The following CNTN4 variants were observed in gnomAD, a reference collection of about 807,000 sequenced individuals.
CNTN4 encodes the protein contactin 4, also known as contactin-4.
CNTN4 carries 77 observed loss-of-function variants against 122.5 expected under a neutral mutation model. That is an observed-to-expected ratio of 0.63 (90% CI 0.52 to 0.76). CNTN4 has a LOEUF of 0.76. CNTN4 is among the 30% of genes least tolerant of loss of function. The pLI, the probability that CNTN4 is intolerant of heterozygous loss-of-function variation, is 0.00. For missense variants in CNTN4, 1,256 were observed against 1,259.1 expected (o/e 1.00, Z 0.04); for synonymous variants, 512 against 447.0 (o/e 1.15, Z -1.83).
At chr3:2,400,047 G>A (rs948915785) in intron 3 of CNTN4, among the ~76,000 whole-genome samples, 1 of 151,898 alleles carries the variant, frequency 6.6e-6, no homozygotes, top group African/African-American at 2.4e-5. Flanking sequence ...CTAATTACGG[G>A]CTTGGGTTTT....
At position 2,841,082 on chromosome 3, in the gene CNTN4, C is replaced by T. The variant is rs944066575; in HGVS notation, c.454+21501C>T. ...AAAGTCAAGGATCTTCAAAATCATA[C>T]ATGACTGATACCAATCTCATCATTG... On this transcript the variant is annotated intron_variant, in intron 7 of 24. Transcript: ENST00000418658. This position sits in a 1 kb window ranked among gnomAD's most constrained non-coding sequence, Gnocchi z 4.8. Among the ~76,000 whole-genome samples the T allele has an allele frequency of 6.6e-6, 1 of 152,138 alleles. No homozygotes were observed.
intron 4 of CNTN4, among the ~76,000 whole-genome samples, chr3:2,685,582 A>G (rs2085390669): frequency 6.6e-6 from 1 of 152,202 alleles, no homozygotes; most frequent in South Asian, 2.1e-4. Context: ...TGTGAAGATT[A>G]AAAACCCAAG....
At chr3:2,249,575 G>A (rs562777932) in intron 2 of CNTN4, among the ~76,000 whole-genome samples, 8 of 152,008 alleles carry the variant, frequency 5.3e-5, no homozygotes, top group African/African-American at 1.4e-4. Context: ...GTCATTTGTT[G>A]AGGTTTACAG....
Position 2,135,511 on chromosome 3 carries a change from G to A in CNTN4, c.-145+34872G>A, listed in dbSNP as rs75165225. ...CCAGAGAGAATTTGATGGTAAATTT[G>A]TAGTACAGAACTTTAGACTTGTTTT... On this transcript the variant is annotated intron_variant, in intron 2 of 24. Transcript: ENST00000418658. Among the ~76,000 whole-genome samples the A allele has an allele frequency of 6.2e-3, 947 of 152,298 alleles. 7 individuals are homozygous for A. The highest frequency in any genetic ancestry group is 0.017 in the Middle Eastern group (5 of 294).
intron 3 of CNTN4, among the ~76,000 whole-genome samples, chr3:2,561,601 C>CA (rs1175510511): frequency 6.6e-6 from 1 of 152,084 alleles, no homozygotes; most frequent in Non-Finnish European, 1.5e-5. Flanking sequence ...TTTGCCGACT[C>CA]AAACTTTTTC....
intron 3 of CNTN4, among the ~76,000 whole-genome samples, chr3:2,457,292 A>G (rs2049039440): frequency 1.3e-5 from 2 of 152,270 alleles, no homozygotes; most frequent in South Asian, 4.1e-4. Context: ...GCCATTGTTG[A>G]TATTTTGATA....
intron 2 of CNTN4, among the ~76,000 whole-genome samples, chr3:2,180,073 A>G (rs985619035): frequency 1.4e-4 from 21 of 151,952 alleles, no homozygotes; most frequent in African/African-American, 4.8e-4. Context: ...GATGGTGCAT[A>G]TATGTTGATT....
chr3:3,011,788 T>C (rs1697259001), intron 14 of CNTN4, among the ~76,000 whole-genome samples: 1 of 152,032 alleles, frequency 6.6e-6, no homozygotes, highest in African/African-American at 2.4e-5. Context: ...TAAATTTTCC[T>C]CTCCCCGCCC....
intron 2 of CNTN4, among the ~76,000 whole-genome samples, chr3:2,300,401 C>A (rs961831789): frequency 4.6e-5 from 7 of 151,998 alleles, no homozygotes; most frequent in Non-Finnish European, 7.4e-5. Flanking sequence ...CATGTTTTAT[C>A]TTAAGCAATA....
chr3:2,934,296 A>G (rs1010117874), intron 13 of CNTN4, among the ~76,000 whole-genome samples: 5 of 152,224 alleles, frequency 3.3e-5, no homozygotes, highest in African/African-American at 1.2e-4. Flanking sequence ...AAAATATCCA[A>G]CTGAAATAAG....
At chr3:2,708,727 T>TCACACACACACA (rs10530575) in intron 4 of CNTN4, among the ~76,000 whole-genome samples, 36 of 151,006 alleles carry the variant, frequency 2.4e-4, no homozygotes, top group African/African-American at 6.6e-4. Context: ...CACGCGCGCA[T>TCACACACACACA]CACACACACA....
chr3:2,401,747 AT>A (rs2046867060), intron 3 of CNTN4, among the ~76,000 whole-genome samples: 1 of 152,122 alleles, frequency 6.6e-6, no homozygotes, highest in African/African-American at 2.4e-5. Context: ...CTAATAATAG[AT>A]TGCTCTTCAG....
intron 2 of CNTN4, among the ~76,000 whole-genome samples, chr3:2,137,352 G>A (rs1427526835): frequency 6.6e-6 from 1 of 152,126 alleles, no homozygotes; most frequent in African/African-American, 2.4e-5. Context: ...TCAGCAATGG[G>A]CACTGCCTTG....
At chr3:2,239,988 A>G (rs1416595949) in intron 2 of CNTN4, among the ~76,000 whole-genome samples, 2 of 152,190 alleles carry the variant, frequency 1.3e-5, no homozygotes, top group African/African-American at 4.8e-5. Flanking sequence ...CTCTTCCTGC[A>G]TAGGTTGCAG....
At chr3:2,631,199 G>C (rs2082414353) in intron 4 of CNTN4, among the ~76,000 whole-genome samples, 2 of 152,148 alleles carry the variant, frequency 1.3e-5, no homozygotes, top group African/African-American at 4.8e-5. Context: ...GCTTAAGGGG[G>C]AAAAAGGAAA....
chr3:2,888,402 G>A (rs1020950104), intron 10 of CNTN4, among the ~76,000 whole-genome samples: 1 of 152,050 alleles, frequency 6.6e-6, no homozygotes, highest in African/African-American at 2.4e-5. Context: ...ACCTGATGCT[G>A]CCCCTTATTT....
chr3:2,569,125 C>G (rs985265957), intron 3 of CNTN4, among the ~76,000 whole-genome samples: 1 of 152,164 alleles, frequency 6.6e-6, no homozygotes, highest in African/African-American at 2.4e-5. Flanking sequence ...CAGCTTTCTG[C>G]CACATCAGCA....
At chr3:2,963,227 T>C (rs1478745450) in intron 13 of CNTN4, among the ~76,000 whole-genome samples, 1 of 152,190 alleles carries the variant, frequency 6.6e-6, no homozygotes, top group African/African-American at 2.4e-5. Context: ...TTCTACTTTC[T>C]GTTATTGCCT....
At chr3:2,995,167 C>T (rs867068664) in intron 14 of CNTN4, among the ~76,000 whole-genome samples, 1 of 151,748 alleles carries the variant, frequency 6.6e-6, no homozygotes, top group Non-Finnish European at 1.5e-5. Flanking sequence ...GATCTGTCAC[C>T]CTGGAGTTGG....
Sources: gnomAD v4.1 joint callset for allele counts (sites outside exome capture counted in the v4.1 genomes callset) on GRCh38, gnomAD v4.1.1 for gene constraint, Gnocchi (gnomAD v3.1) non-coding constraint, MANE v1.5 for transcripts, NCBI Gene and HGNC (gene_info 2026-07-23, HGNC 2026-07-21) for gene names.